The following NCAM2 variants were observed in gnomAD, a reference collection of about 807,000 sequenced individuals.
NCAM2 encodes the protein neural cell adhesion molecule 2.
Under a neutral mutation model 98.1 loss-of-function variants are expected in NCAM2, and 30 were observed. That is an observed-to-expected ratio of 0.31 (90% CI 0.23 to 0.41). The LOEUF is 0.41. Among genes scored for constraint, NCAM2 ranks in the 10% least tolerant of loss-of-function variants. The pLI is 1.00. For missense variants in NCAM2, 867 were observed against 1,005.8 expected (o/e 0.86, Z 1.87); for synonymous variants, 368 against 342.4 (o/e 1.07, Z -0.83).
intron 1 of NCAM2, among the ~76,000 whole-genome samples, chr21:21,165,166 G>A (rs2067911109): frequency 6.6e-6 from 1 of 152,140 alleles, no homozygotes; most frequent in South Asian, 2.1e-4. Flanking sequence ...GGCAGATGGG[G>A]CAAATAGAAG....
intron 12 of NCAM2, among the ~76,000 whole-genome samples, chr21:21,456,529 G>T (rs557018895): frequency 5.3e-5 from 8 of 152,196 alleles, no homozygotes; most frequent in African/African-American, 1.9e-4. Context: ...AATATTCTGA[G>T]AAAGACACTG....
At chr21:21,283,609 G>A (rs542284520) in intron 2 of NCAM2, among the ~76,000 whole-genome samples, 1 of 151,976 alleles carries the variant, frequency 6.6e-6, no homozygotes, top group South Asian at 2.1e-4. Context: ...AAAGAGATTA[G>A]GACATCATTA....
intron 1 of NCAM2, among the ~76,000 whole-genome samples, chr21:21,221,354 TTCTC>T (rs1428755715): frequency 1.3e-5 from 2 of 152,126 alleles, no homozygotes; most frequent in African/African-American, 4.8e-5. Flanking sequence ...ACAGAAGTGA[TTCTC>T]ACCCAAATTT....
chr21:21,096,496 T>C (rs1601354754), intron 1 of NCAM2, among the ~76,000 whole-genome samples: 1 of 151,748 alleles, frequency 6.6e-6, no homozygotes, highest in Admixed American at 6.6e-5. Context: ...AAAACAAATA[T>C]GTATTTAATA....
rs564339185 is a variant in NCAM2 at position 21,266,801 on chromosome 21, C to A, written c.56-13777C>A. ...CGAGTTAATGGGTGCAGCACACCAA[C>A]ATGGCACATGTATACATATGCAACA... On this transcript the variant is annotated intron_variant, in intron 1 of 17. Transcript: ENST00000400546. Among the ~76,000 whole-genome samples the A allele has an allele frequency of 2.0e-5, 3 of 152,086 alleles. No homozygotes were observed. The East Asian group carries it at 5.8e-4, about 29-fold the overall frequency.
intron 1 of NCAM2, among the ~76,000 whole-genome samples, chr21:21,166,486 G>A (rs911817042): frequency 3.6e-5 from 5 of 139,336 alleles, no homozygotes; most frequent in South Asian, 4.2e-4. Context: ...GATTACAGGC[G>A]TGAGCCACCG....
intron 1 of NCAM2, among the ~76,000 whole-genome samples, chr21:21,118,800 A>T (rs2066614981): frequency 2.0e-5 from 3 of 152,044 alleles, no homozygotes; most frequent in Admixed American, 6.6e-5. Flanking sequence ...CAGCTCCCTT[A>T]CTTGGCCCCA....
chr21:21,083,566 A>G (rs2065852063), intron 1 of NCAM2, among the ~76,000 whole-genome samples: 1 of 151,858 alleles, frequency 6.6e-6, no homozygotes, highest in Admixed American at 6.6e-5. Context: ...GATGCATGTC[A>G]CCACACCCAA....
At chr21:21,439,496 A>T (rs1265382793) in intron 12 of NCAM2, among the ~76,000 whole-genome samples, 1 of 152,160 alleles carries the variant, frequency 6.6e-6, no homozygotes, top group African/African-American at 2.4e-5. Flanking sequence ...TTTGTGGTAG[A>T]GAAACTTATT....
intron 8 of NCAM2, among the ~76,000 whole-genome samples, chr21:21,365,300 T>C (rs1186899470): frequency 6.7e-6 from 1 of 150,216 alleles, no homozygotes; most frequent in African/African-American, 2.4e-5. Flanking sequence ...TTGGAAAGAA[T>C]CATTGGAATG....
chr21:21,115,911 T>C (rs1206894812), intron 1 of NCAM2, among the ~76,000 whole-genome samples: 3 of 151,878 alleles, frequency 2.0e-5, no homozygotes, highest in East Asian at 3.9e-4. Context: ...AAGAAGTTCA[T>C]GGGTAGGACT....
intron 1 of NCAM2, among the ~76,000 whole-genome samples, chr21:21,031,997 A>C (rs1361276251): frequency 1.3e-5 from 2 of 152,226 alleles, no homozygotes; most frequent in Admixed American, 6.5e-5. Flanking sequence ...ATTAAGGCAC[A>C]TGTGGCTTGA....
intron 1 of NCAM2, among the ~76,000 whole-genome samples, chr21:21,050,130 A>C (rs1412931045): frequency 1.4e-5 from 2 of 140,470 alleles, no homozygotes; most frequent in Admixed American, 6.9e-5. Context: ...TAAGCACTGT[A>C]AAGTGCAAAA....
chr21:21,410,384 A>G lies in NCAM2; in HGVS notation c.1306A>G (p.Arg436Gly). The change falls in exon 10 of 18, where the codon AGA becomes GGA. Residue 436 changes from arginine (R) to glycine (G), a missense_variant. Transcript: ENST00000400546. ...TCCACCAGCATCAATTCACTGGAGAAGAGATAAATTAGTCTTACCTGCTAA... is the reference window on the plus strand; with the variant it reads ...TCCACCAGCATCAATTCACTGGAGAGGAGATAAATTAGTCTTACCTGCTAA... Reference protein sequence around the residue: ...SNPPASIHWRRDKLVLPAKNT... With the variant: ...SNPPASIHWRGDKLVLPAKNT... 1 of 1,602,154 alleles carries G rather than the reference A, an allele frequency of 6.2e-7. No homozygotes were observed. Among genetic ancestry groups the G allele is most frequent in the Non-Finnish European group, 8.5e-7 (1 of 1,173,046 alleles).
At chr21:21,060,627 A>G (rs1225353159) in intron 1 of NCAM2, among the ~76,000 whole-genome samples, 1 of 152,152 alleles carries the variant, frequency 6.6e-6, no homozygotes, top group East Asian at 1.9e-4. Flanking sequence ...CCTATTAAGC[A>G]GGAGTAAAAA....
At chr21:21,179,934 G>A (rs1031586588) in intron 1 of NCAM2, among the ~76,000 whole-genome samples, 3 of 152,196 alleles carry the variant, frequency 2.0e-5, no homozygotes, top group Non-Finnish European at 4.4e-5. Flanking sequence ...TCATAATTCT[G>A]TTGGTTGATT....
chr21:21,249,082 A>G (rs149171277), intron 1 of NCAM2, among the ~76,000 whole-genome samples: 56 of 152,288 alleles, frequency 3.7e-4, no homozygotes, highest in African/African-American at 1.3e-3. Context: ...AGGTAAAAAT[A>G]GTAATAAAAT....
At chr21:21,357,103 T>A (rs558368871) in intron 8 of NCAM2, among the ~76,000 whole-genome samples, 1 of 152,216 alleles carries the variant, frequency 6.6e-6, no homozygotes, top group African/African-American at 2.4e-5. Context: ...AGTCATTTTT[T>A]ATGAATATAC....
At chr21:21,380,262 G>C (rs1789358358) in intron 9 of NCAM2, among the ~76,000 whole-genome samples, 1 of 152,056 alleles carries the variant, frequency 6.6e-6, no homozygotes, top group South Asian at 2.1e-4. Context: ...ATAGCTGTTT[G>C]ATCACATTAA....
Sources: allele counts gnomAD v4.1 joint callset (sites outside exome capture counted in the v4.1 genomes callset), GRCh38; gene constraint gnomAD v4.1.1; transcripts MANE v1.5; gene names NCBI Gene and HGNC (gene_info 2026-07-23, HGNC 2026-07-21).